The following SLC35F4 variants were observed in gnomAD, a reference collection of about 807,000 sequenced individuals.
SLC35F4 encodes solute carrier family 35 member F4.
Under a neutral mutation model 44.2 loss-of-function variants are expected in SLC35F4, and 24 were observed. The ratio of observed to expected loss-of-function variants is 0.54; its 90% CI spans 0.39 to 0.76. The LOEUF is 0.76. SLC35F4 is among the 30% of genes least tolerant of loss of function. SLC35F4 has a pLI of 0.00. For missense variants in SLC35F4, 562 were observed against 586.1 expected (o/e 0.96, Z 0.42); for synonymous variants, 238 against 223.6 (o/e 1.06, Z -0.57).
At chr14:57,890,358 T>C (rs1432910493) in intron 1 of SLC35F4, among the ~76,000 whole-genome samples, 4 of 152,342 alleles carry the variant, frequency 2.6e-5, no homozygotes, top group South Asian at 4.1e-4. Flanking sequence ...TGTTGTAAGC[T>C]TCTGAGTTTG....
chr14:57,608,141 G>C (rs967705031), intron 1 of SLC35F4, among the ~76,000 whole-genome samples: 1 of 152,100 alleles, frequency 6.6e-6, no homozygotes, highest in Non-Finnish European at 1.5e-5. Context: ...ACAGATTTGA[G>C]AGTCATCAGT....
intron 1 of SLC35F4, among the ~76,000 whole-genome samples, chr14:57,942,999 A>T (rs979029230): frequency 1.3e-5 from 2 of 152,164 alleles, no homozygotes; most frequent in African/African-American, 2.4e-5. Flanking sequence ...TAGTTTTTTT[A>T]AAAGCCAGAA....
chr14:57,656,374 TATACACACACAC>T (rs56896978), intron 1 of SLC35F4, among the ~76,000 whole-genome samples: 21,505 of 125,398 alleles, frequency 0.17, 2,111 homozygotes, highest in African/African-American at 0.31. Context: ...TATATATATA[TATACACACACAC>T]ACACACACAC....
At chr14:57,823,316 TCTC>T (rs139909369) in intron 1 of SLC35F4, among the ~76,000 whole-genome samples, 4,533 of 152,186 alleles carry the variant, frequency 0.03, 208 homozygotes, top group African/African-American at 0.1. Flanking sequence ...ATAAATGTCA[TCTC>T]CTCACAATAT....
intron 1 of SLC35F4, among the ~76,000 whole-genome samples, chr14:57,964,389 GAAGA>G (rs1890395053): frequency 1.5e-5 from 2 of 137,820 alleles, no homozygotes; most frequent in African/African-American, 3.0e-5. Context: ...TTGCTCCCAG[GAAGA>G]AAGACTCTAA....
At chr14:57,648,781 CT>C (rs1188045692) in intron 1 of SLC35F4, among the ~76,000 whole-genome samples, 1 of 152,182 alleles carries the variant, frequency 6.6e-6, no homozygotes, top group Non-Finnish European at 1.5e-5. Context: ...ATGATCTGAT[CT>C]TTGTAGAATC....
intron 5 of SLC35F4, among the ~76,000 whole-genome samples, chr14:57,570,409 A>G (rs941581082): frequency 3.3e-5 from 5 of 152,212 alleles, no homozygotes; most frequent in Admixed American, 6.5e-5. Flanking sequence ...CCCTGTCATT[A>G]TGTTGTTGAG....
At chr14:57,643,741 A>G (rs943010667) in intron 1 of SLC35F4, among the ~76,000 whole-genome samples, 2 of 152,132 alleles carry the variant, frequency 1.3e-5, no homozygotes, top group African/African-American at 4.8e-5. Flanking sequence ...AGCATTAGGT[A>G]TATCTCCTAA....
At chr14:57,638,391 G>T (rs2073095491) in intron 1 of SLC35F4, among the ~76,000 whole-genome samples, 1 of 152,064 alleles carries the variant, frequency 6.6e-6, no homozygotes, top group African/African-American at 2.4e-5. Context: ...AGTGAACATG[G>T]GTTGTGTGTA....
chr14:57,597,094 G>A (rs1016193011), intron 1 of SLC35F4, among the ~76,000 whole-genome samples: 7 of 152,126 alleles, frequency 4.6e-5, no homozygotes, highest in Admixed American at 6.5e-5. Context: ...TCAGAACATC[G>A]TCTGGGATGT....
intron 1 of SLC35F4, among the ~76,000 whole-genome samples, chr14:57,757,800 A>G (rs1365963920): frequency 6.6e-6 from 1 of 152,138 alleles, no homozygotes; most frequent in Admixed American, 6.5e-5. Context: ...AACATTTTAC[A>G]TATTTAGTCA....
At chr14:57,738,155 T>A (rs1306627735) in intron 1 of SLC35F4, among the ~76,000 whole-genome samples, 1 of 152,192 alleles carries the variant, frequency 6.6e-6, no homozygotes, top group Admixed American at 6.5e-5. Context: ...TCATTAGGAT[T>A]CATTTGACTC....
intron 1 of SLC35F4, among the ~76,000 whole-genome samples, chr14:57,791,913 A>G (rs926725506): frequency 2.0e-5 from 3 of 150,570 alleles, no homozygotes; most frequent in African/African-American, 4.9e-5. Context: ...GAGTTGACCA[A>G]TGAGAACGTA....
At chr14:57,658,961 AGAG>A (rs1203039063) in intron 1 of SLC35F4, among the ~76,000 whole-genome samples, 2 of 152,206 alleles carry the variant, frequency 1.3e-5, no homozygotes, top group Non-Finnish European at 2.9e-5. Context: ...GAGAGAAAGA[AGAG>A]GAGATAAAGA....
chr14:57,954,122 C>G (rs1480450189), intron 1 of SLC35F4, among the ~76,000 whole-genome samples: 1 of 152,196 alleles, frequency 6.6e-6, no homozygotes, highest in Non-Finnish European at 1.5e-5. Context: ...GATTAGGAAA[C>G]TCACTCAAAA....
chr14:57,631,654 A>T (rs115650711), intron 1 of SLC35F4, among the ~76,000 whole-genome samples: 4,224 of 152,202 alleles, frequency 0.028, 77 homozygotes, highest in Middle Eastern at 0.054. Flanking sequence ...TGTGGTACCA[A>T]GAAATTTAAA....
At chr14:57,935,753 A>G (rs529911414) in intron 1 of SLC35F4, among the ~76,000 whole-genome samples, 1 of 152,314 alleles carries the variant, frequency 6.6e-6, no homozygotes, top group South Asian at 2.1e-4. Flanking sequence ...ACATAAACCA[A>G]CTGGACAAGT....
intron 1 of SLC35F4, among the ~76,000 whole-genome samples, chr14:57,944,524 A>G (rs1171522144): frequency 6.6e-6 from 1 of 152,016 alleles, no homozygotes; most frequent in Admixed American, 6.6e-5. Context: ...CCCATCTCAT[A>G]TTTATTATTA....
intron 3 of SLC35F4, among the ~76,000 whole-genome samples, chr14:57,583,656 C>T (rs949467134): frequency 3.9e-5 from 6 of 152,184 alleles, no homozygotes; most frequent in Non-Finnish European, 8.8e-5. Context: ...AACCTGTCTT[C>T]CAGGTGTTCA....
Sources: allele counts gnomAD v4.1 joint callset (sites outside exome capture counted in the v4.1 genomes callset), GRCh38; gene constraint gnomAD v4.1.1; transcripts MANE v1.5; gene names NCBI Gene and HGNC (gene_info 2026-07-23, HGNC 2026-07-21).